The following PDPK1 variants were observed in gnomAD, a reference collection of about 807,000 sequenced individuals.
The protein encoded by PDPK1 is 3-phosphoinositide dependent protein kinase 1.
PDPK1 carries 7 observed loss-of-function variants against 39.8 expected under a neutral mutation model. The ratio of observed to expected loss-of-function variants is 0.18; its 90% CI spans 0.10 to 0.33. The LOEUF is 0.33. Ranked by LOEUF, PDPK1 falls within the 10% of genes least tolerant of loss-of-function variation. The probability of loss-of-function intolerance (pLI) is 1.00; values close to 1 mark genes in which losing one functional copy is unlikely to be tolerated. For missense variants in PDPK1, 182 were observed against 384.7 expected (o/e 0.47, Z 4.41); for synonymous variants, 118 against 159.1 (o/e 0.74, Z 1.95).
intron 1 of PDPK1, chr16:2,550,522 T>C: frequency 1.4e-5 from 1 of 70,834 alleles, no homozygotes; most frequent in Non-Finnish European, 2.6e-5. Flanking sequence ...AAAGCCTCCT[T>C]GCAGAGAAAT....
rs373860725 is a variant in PDPK1 at position 2,601,514 on chromosome 16, A to C, written c.*3747A>C. On this transcript the variant is annotated 3_prime_UTR_variant, in exon 14 of 14. Coordinates refer to ENST00000342085, the MANE Select transcript of PDPK1 (RefSeq NM_002613.5). ...ACAATGGTACTGAATTTGCATCTGC[A>C]CAGTCAGCAGAGATAACAAGTGTTG... The C allele has an allele frequency of 6.6e-4, 155 of 234,626 alleles. No homozygotes were observed. Among genetic ancestry groups the C allele is most frequent in the Non-Finnish European group, 1.2e-3 (137 of 117,916 alleles). The allele number at this position is 234,626 out of a possible 1,614,324, so 14.5% of individuals were successfully genotyped here.
chr16:2,585,663 G>C (rs2066855591), intron 10 of PDPK1, among the ~76,000 whole-genome samples: 1 of 152,096 alleles, frequency 6.6e-6, no homozygotes, highest in African/African-American at 2.4e-5. Context: ...GCGTGGAGGG[G>C]CCGGCGTGGA....
chr16:2,540,731 T>G (rs1356411191), intron 1 of PDPK1, among the ~76,000 whole-genome samples: 1 of 152,200 alleles, frequency 6.6e-6, no homozygotes, highest in African/African-American at 2.4e-5. Context: ...AAGCAGCTGT[T>G]TGGGAAGAGG....
intron 1 of PDPK1, among the ~76,000 whole-genome samples, chr16:2,552,290 G>A (rs1280072089): frequency 6.6e-6 from 1 of 150,386 alleles, no homozygotes; most frequent in Non-Finnish European, 1.5e-5. Context: ...ACTTCTAAGA[G>A]ATGGAGACTG....
chr16:2,589,652 G>GC (rs1031756020), intron 11 of PDPK1, among the ~76,000 whole-genome samples: 2 of 147,254 alleles, frequency 1.4e-5, no homozygotes, highest in African/African-American at 5.1e-5. Flanking sequence ...GCTTGCCACT[G>GC]CCCCCCAGCC....
chr16:2,595,862 G>T lies in PDPK1; in HGVS notation c.1401+12G>T. The stretch of plus-strand genomic sequence containing the variant: ...TGGATAAGCGGAAGGTGAGTGGTCA[G>T]TGGTCCCGCTGCTCCGCACGGACAC... On this transcript the variant is annotated intron_variant, in intron 12 of 13. Coordinates refer to ENST00000342085, the MANE Select transcript of PDPK1 (RefSeq NM_002613.5). The T allele has an allele frequency of 6.2e-7, 1 of 1,608,748 alleles. No homozygotes were observed. Among genetic ancestry groups the T allele is most frequent in the Non-Finnish European group, 8.5e-7 (1 of 1,175,042 alleles).
At position 2,597,867 on chromosome 16, in the gene PDPK1, A is replaced by G. The variant is rs1364454388; in HGVS notation, c.*100A>G. On this transcript the variant is annotated 3_prime_UTR_variant, in exon 14 of 14. Coordinates refer to ENST00000342085, the MANE Select transcript of PDPK1 (RefSeq NM_002613.5). The surrounding 1 kb of genome is among the most constrained non-coding windows in gnomAD (Gnocchi z 6.3). ...TTCCAGACCACCTGCCAGCCATCAC[A>G]AGGGGAACGCAGAGGCGGAAACCTT... 4.1e-6 allele frequency: 3 copies of G among 729,786 alleles called. No homozygotes were observed. The highest frequency in any genetic ancestry group is 7.2e-6 in the Non-Finnish European group (3 of 419,260). 45.2% of individuals were successfully genotyped at this position (729,786 alleles called of 1,614,324 possible).
intron 12 of PDPK1, among the ~76,000 whole-genome samples, chr16:2,596,455 A>G (rs945820998): frequency 7.2e-5 from 11 of 152,064 alleles, no homozygotes; most frequent in African/African-American, 2.7e-4. Flanking sequence ...CAGCCTTCCA[A>G]AGTGCTGGGA....
intron 1 of PDPK1, among the ~76,000 whole-genome samples, chr16:2,551,881 G>A (rs1388919763): frequency 1.3e-5 from 2 of 151,342 alleles, no homozygotes; most frequent in East Asian, 3.9e-4. Context: ...GGCCAGGCTG[G>A]TCTCAAACTC....
Position 2,557,881 on chromosome 16 carries a change from C to T in PDPK1, c.203C>T (p.Ala68Val), listed in dbSNP as rs771854875. ...CCCGGCGCCGGCTCCCTGCAGCATG[C>T]CCAGCCTCCGCCGCAGCCTCGGAAG... ...PRPGAGSLQH[A>V]QPPPQPRKKR... Residue 68 changes from alanine (A) to valine (V), a missense_variant, in exon 2 of 14, where the codon GCC (alanine) becomes GTC (valine). Coordinates refer to ENST00000342085, the MANE Select transcript of PDPK1 (RefSeq NM_002613.5). 1.6e-5 allele frequency: 26 copies of T among 1,606,020 alleles called. No individual in the cohort carries two copies. The highest frequency in any genetic ancestry group is 2.1e-5 in the Non-Finnish European group (25 of 1,174,932).
At chr16:2,594,220 A>G (rs957649613) in intron 11 of PDPK1, 1 of 152,402 alleles carries the variant, frequency 6.6e-6, no homozygotes, top group South Asian at 2.1e-4. Flanking sequence ...TCAGATATTG[A>G]TTTGATCATC....
At chr16:2,592,042 G>C (rs1019324477) in intron 11 of PDPK1, among the ~76,000 whole-genome samples, 1 of 152,200 alleles carries the variant, frequency 6.6e-6, no homozygotes, top group Non-Finnish European at 1.5e-5. Flanking sequence ...TGAGCCTGCA[G>C]AGCCCTCCCG....
chr16:2,538,958 G>C, intron 1 of PDPK1: 1 of 373,912 alleles, frequency 2.7e-6, no homozygotes, highest in Non-Finnish European at 5.0e-6. Flanking sequence ...CCTTGTATGC[G>C]ATGTGCAGTG....
In PDPK1 at chr16:2,600,377, G is replaced by A; in HGVS notation, c.*2610G>A. ...TCTCGGCACAAAGCGGAGGGAGGCT[G>A]TGGTCGCTGCCGGCCTAGGTGTCCC... On this transcript the variant is annotated 3_prime_UTR_variant, in exon 14 of 14. Transcript: ENST00000342085. 8.6e-6 allele frequency: 2 copies of A among 232,934 alleles called. No homozygotes were observed. The highest frequency in any genetic ancestry group is 1.7e-5 in the Non-Finnish European group (2 of 118,078). The allele number at this position is 232,934 out of a possible 1,614,324, so 14.4% of individuals were successfully genotyped here. A position where few individuals can be genotyped will look rare whatever the true frequency, so the allele number is the denominator to read the frequency against.
At chr16:2,554,204 TAGC>T (rs1179039147) in intron 1 of PDPK1, 2 of 149,312 alleles carry the variant, frequency 1.3e-5, no homozygotes, top group African/African-American at 5.0e-5. Context: ...ACACCCATGG[TAGC>T]AAGTTCTGAT....
Position 2,598,598 on chromosome 16 carries a change from CGA to C in PDPK1, c.*837_*838del, listed in dbSNP as rs1455729924. The C allele has an allele frequency of 3.9e-5, 9 of 233,388 alleles. No homozygotes were observed. Among genetic ancestry groups the C allele is most frequent in the East Asian group, 6.0e-5 (1 of 16,588 alleles). 14.5% of individuals were successfully genotyped at this position (233,388 alleles called of 1,614,324 possible). On this transcript the variant is annotated 3_prime_UTR_variant, in exon 14 of 14. Transcript: ENST00000342085. The stretch of plus-strand genomic sequence containing the variant: ...GTTAGTACCCCGCTGGCTCACTGCA[CGA>C]GAGAGTCCTGCCCCGAGCCCTAGGT...
At chr16:2,547,257 G>C in intron 1 of PDPK1, among the ~76,000 whole-genome samples, 1 of 146,490 alleles carries the variant, frequency 6.8e-6, no homozygotes, top group African/African-American at 2.8e-5. Context: ...CTGAGGGCGA[G>C]CGCTAGGTTC....
chr16:2,595,921 C>A, intron 12 of PDPK1, 71 bp downstream of exon 12: 2 of 1,137,184 alleles, frequency 1.8e-6, no homozygotes, highest in Non-Finnish European at 2.7e-6. Context: ...TAGGGGAGGG[C>A]AGCTTGGTGG....
At chr16:2,540,393 G>C (rs12929784) in intron 1 of PDPK1, among the ~76,000 whole-genome samples, 61 of 151,710 alleles carry the variant, frequency 4.0e-4, no homozygotes, top group Admixed American at 1.2e-3. Flanking sequence ...TTGCGAGGTA[G>C]GTGTTGTTCC....
Sources: gnomAD v4.1 joint callset for allele counts (sites outside exome capture counted in the v4.1 genomes callset) on GRCh38, gnomAD v4.1.1 for gene constraint, Gnocchi (gnomAD v3.1) non-coding constraint, MANE v1.5 for transcripts, NCBI Gene and HGNC (gene_info 2026-07-23, HGNC 2026-07-21) for gene names.